ALG6: variants seen among roughly 807,000 people sequenced by gnomAD.
ALG6 encodes the protein dolichyl pyrophosphate Man9GlcNAc2 alpha-1,3-glucosyltransferase.
A neutral mutation model predicts 66.6 loss-of-function variants in ALG6; 46 were observed. That is an observed-to-expected ratio of 0.69 (90% CI 0.55 to 0.88). The LOEUF is 0.88. Ranked by LOEUF, ALG6 falls within the 40% of genes least tolerant of loss-of-function variation. The pLI, the probability that ALG6 is intolerant of heterozygous loss-of-function variation, is 0.00. For synonymous variants in ALG6, 185 were observed against 203.7 expected, an observed-to-expected ratio of 0.91 and a Z score of 0.78; for missense variants, 505 against 586.8, an observed-to-expected ratio of 0.86 and a Z score of 1.44.
intron 6 of ALG6, 68 bp downstream of exon 6, chr1:63,406,467 T>G (rs2100417144): frequency 7.4e-7 from 1 of 1,345,004 alleles, no homozygotes; most frequent in South Asian, 1.2e-5. Flanking sequence ...CTATTAAGTA[T>G]AGACCTTAGA....
At chr1:63,432,259 T>TC (rs1557598552) in intron 14 of ALG6, among the ~76,000 whole-genome samples, 2 of 31,402 alleles carry the variant, frequency 6.4e-5, no homozygotes, top group Non-Finnish European at 1.1e-4. Context: ...TGGTCATGTG[T>TC]GTTTTTTTTC....
Position 63,407,079 on chromosome 1 carries a change from C to T in ALG6, c.447C>T (p.Cys149=), listed in dbSNP as rs1251724917. 2.5e-6 allele frequency: 4 copies of T among 1,608,422 alleles called. No individual in the cohort carries two copies. Among genetic ancestry groups the T allele is most frequent in the Non-Finnish European group, 3.4e-6 (4 of 1,175,496 alleles). The stretch of plus-strand genomic sequence containing the variant: ...CTTTACAGATTGCTAATGCATTATG[C>T]ATCTTGCTGTATCCAGGCCTTATTC... The part of the protein sequence containing the change: ...STKKKIANAL[C]ILLYPGLILI... The change falls in exon 7 of 15, where the codon TGC becomes TGT. Residue 149 remains cysteine, a synonymous_variant. Transcript: ENST00000263440.
At chr1:63,427,951 C>T (rs535687117) in intron 12 of ALG6, among the ~76,000 whole-genome samples, 2 of 151,962 alleles carry the variant, frequency 1.3e-5, no homozygotes, top group East Asian at 1.9e-4. Context: ...GGATTACAGG[C>T]ACGCACCACC....
At chr1:63,407,919 A>T (rs991041187) in intron 7 of ALG6, among the ~76,000 whole-genome samples, 5 of 152,282 alleles carry the variant, frequency 3.3e-5, no homozygotes, top group Admixed American at 6.5e-5. Context: ...TTAGTTTTTT[A>T]AAAATTTTGA....
chr1:63,415,688 A>G (rs1470720069), intron 10 of ALG6, among the ~76,000 whole-genome samples, 185 bp from the exon 11 acceptor site: 1 of 152,060 alleles, frequency 6.6e-6, no homozygotes, highest in Non-Finnish European at 1.5e-5. Flanking sequence ...GTATATATAT[A>G]TATCAATGTG....
intron 2 of ALG6, among the ~76,000 whole-genome samples, chr1:63,395,986 C>T (rs939642700): frequency 6.6e-6 from 1 of 152,042 alleles, no homozygotes; most frequent in African/African-American, 2.4e-5. Context: ...TAGCATTTTA[C>T]ATTGTTAGGT....
At chr1:63,368,540 G>A (rs1184409338) in intron 1 of ALG6, among the ~76,000 whole-genome samples, 3 of 150,856 alleles carry the variant, frequency 2.0e-5, no homozygotes, top group Non-Finnish European at 4.4e-5. Context: ...TTGCTCTGTC[G>A]CCCAGGCTGG....
intron 10 of ALG6, 78 bp from the exon 11 acceptor site, chr1:63,415,795 T>G (rs1215042286): frequency 1.2e-6 from 1 of 832,346 alleles, no homozygotes; most frequent in Non-Finnish European, 1.9e-6. Flanking sequence ...TCCTTATATT[T>G]AAAAAATATT....
At position 63,402,299 on chromosome 1, in the gene ALG6, T is replaced by C. The variant is rs1440836116; in HGVS notation, c.213T>C (p.Asp71=). Residue 71 remains aspartate (D), a synonymous_variant, in exon 4 of 15, where the codon GAT becomes GAC. Transcript: ENST00000263440. ...ACAATTTACAGTATTGGGGATTGGA[T>C]TACCCACCTCTTACAGCTTATCATA... The part of the protein sequence containing the change: ...SDNNLQYWGL[D]YPPLTAYHSL... 6.8e-6 allele frequency: 11 copies of C among 1,612,236 alleles called. No individual in the cohort carries two copies. The highest frequency in any genetic ancestry group is 8.5e-6 in the Non-Finnish European group (10 of 1,178,634).
At chr1:63,372,239 C>A (rs1278868376) in intron 2 of ALG6, among the ~76,000 whole-genome samples, 1 of 151,546 alleles carries the variant, frequency 6.6e-6, no homozygotes, top group South Asian at 2.1e-4. Flanking sequence ...ATTAGCTGGG[C>A]AAATTATTTC....
intron 2 of ALG6, among the ~76,000 whole-genome samples, chr1:63,373,093 C>T (rs919463502): frequency 5.3e-5 from 8 of 151,966 alleles, no homozygotes; most frequent in East Asian, 1.9e-4. Context: ...TGGCAGCCTC[C>T]GCCTCCTTGG....
intron 3 of ALG6, among the ~76,000 whole-genome samples, chr1:63,400,442 T>G (rs1644459110): frequency 6.7e-6 from 1 of 148,238 alleles, no homozygotes; most frequent in South Asian, 2.1e-4. Context: ...TTTTGATGCT[T>G]TACTTGAAAC....
At chr1:63,420,960 CT>C (rs1418613333) in intron 12 of ALG6, among the ~76,000 whole-genome samples, 1 of 151,538 alleles carries the variant, frequency 6.6e-6, no homozygotes, top group Non-Finnish European at 1.5e-5. Context: ...TATTGAGTGC[CT>C]TCTATTTATC....
intron 14 of ALG6, among the ~76,000 whole-genome samples, chr1:63,434,890 C>T (rs181171214): frequency 3.3e-3 from 499 of 152,178 alleles, no homozygotes; most frequent in Non-Finnish European, 5.9e-3. Flanking sequence ...GAGGAACCAG[C>T]AAAGATGTCT....
Position 63,437,123 on chromosome 1 carries a change from G to A in ALG6, c.*103G>A. On this transcript the variant is annotated 3_prime_UTR_variant, in exon 15 of 15. Coordinates refer to ENST00000263440, the MANE Select transcript of ALG6 (RefSeq NM_013339.4). ...TATGTATAAATGAAATTACCATTTT[G>A]AGAACCATGGAACCACAGGAAAGGA... The A allele has an allele frequency of 9.9e-7, 1 of 1,010,738 alleles. No individual in the cohort carries two copies. The highest frequency in any genetic ancestry group is 1.4e-5 in the South Asian group (1 of 71,024). The allele number at this position is 1,010,738 out of a possible 1,614,324, so 62.6% of individuals were successfully genotyped here. A position where few individuals can be genotyped will look rare whatever the true frequency, so the allele number is the denominator to read the frequency against.
intron 3 of ALG6, among the ~76,000 whole-genome samples, chr1:63,398,554 G>C (rs1037868521): frequency 1.3e-5 from 2 of 152,098 alleles, no homozygotes; most frequent in African/African-American, 4.8e-5. Context: ...CTCACTGCAA[G>C]CTCCGCCTCC....
intron 4 of ALG6, among the ~76,000 whole-genome samples, chr1:63,403,259 G>A (rs967963827): frequency 6.6e-6 from 1 of 152,080 alleles, no homozygotes; most frequent in African/African-American, 2.4e-5. Flanking sequence ...TATGTGTTGT[G>A]TATAAGAAAG....
intron 4 of ALG6, among the ~76,000 whole-genome samples, chr1:63,403,009 C>T (rs1376612951): frequency 4.9e-5 from 7 of 141,928 alleles, no homozygotes; most frequent in South Asian, 2.2e-4. Context: ...GCAGGAGAAT[C>T]GCTTGAACCC....
At chr1:63,422,900 AGC>A (rs1644595600) in intron 12 of ALG6, among the ~76,000 whole-genome samples, 1 of 152,076 alleles carries the variant, frequency 6.6e-6, no homozygotes, top group Non-Finnish European at 1.5e-5. Context: ...GGTTGCGGTG[AGC>A]CAAGATTGCA....
Sources: allele counts gnomAD v4.1 joint callset (sites outside exome capture counted in the v4.1 genomes callset), GRCh38; gene constraint gnomAD v4.1.1; transcripts MANE v1.5; gene names NCBI Gene and HGNC (gene_info 2026-07-23, HGNC 2026-07-21).